Variants in WDFY3 observed in about 807,000 individuals in gnomAD.
The protein encoded by WDFY3 is WD repeat and FYVE domain-containing protein 3.
Under a neutral mutation model 409.6 loss-of-function variants are expected in WDFY3, and 66 were observed. That is an observed-to-expected ratio of 0.16 (90% CI 0.13 to 0.20). WDFY3 has a LOEUF of 0.20. WDFY3 is among the 10% of genes least tolerant of loss of function. The probability of loss-of-function intolerance (pLI) is 1.00; values close to 1 mark genes in which losing one functional copy is unlikely to be tolerated. For synonymous variants in WDFY3, 1,521 were observed against 1,537.1 expected (o/e 0.99, Z 0.25); for missense variants, 3,031 against 4,298.1 (o/e 0.71, Z 8.24).
intron 32 of WDFY3, among the ~76,000 whole-genome samples, chr4:84,760,841 C>A (rs1742441355): frequency 6.9e-6 from 1 of 144,850 alleles, no homozygotes; most frequent in African/African-American, 2.6e-5. Flanking sequence ...TTCTTGCCTT[C>A]TGCTAGCTTT....
chr4:84,754,204 T>C (rs1741018150), intron 34 of WDFY3, among the ~76,000 whole-genome samples: 1 of 152,120 alleles, frequency 6.6e-6, no homozygotes, highest in Non-Finnish European at 1.5e-5. Context: ...TGTATTACCA[T>C]TAATGTTGCC....
chr4:84,728,598 C>A (rs1170655334), intron 44 of WDFY3, among the ~76,000 whole-genome samples: 1 of 152,018 alleles, frequency 6.6e-6, no homozygotes, highest in African/African-American at 2.4e-5. Context: ...ACAAAACAGA[C>A]CAATTACTAA....
intron 12 of WDFY3, among the ~76,000 whole-genome samples, chr4:84,819,206 G>C (rs1470256472): frequency 1.3e-5 from 2 of 152,014 alleles, no homozygotes; most frequent in Admixed American, 1.3e-4. Flanking sequence ...CAGGGAGCAA[G>C]AATGATCTTA....
intron 21 of WDFY3, 113 bp from the exon 22 acceptor site, chr4:84,790,020 G>T: frequency 8.8e-7 from 1 of 1,140,332 alleles, no homozygotes; most frequent in Middle Eastern, 2.1e-4. Context: ...TAATGATGCA[G>T]ACTGATTTGA....
chr4:84,825,838 G>A lies in WDFY3; in HGVS notation c.1123+977C>T, dbSNP rs139211835. On this transcript the variant is annotated intron_variant, in intron 10 of 67. Transcript: ENST00000295888. ...ATATCATGATCCTATTGAATACTTA[G>A]TAAGTGACAGTCATGTGAATAAAAA... 7.1e-3 allele frequency among the ~76,000 whole-genome samples: 1,086 copies of A among 152,110 alleles called. 30 individuals are homozygous for A. The highest frequency in any genetic ancestry group is 0.011 in the Admixed American group (171 of 15,258).
At chr4:84,901,832 A>G (rs1383505368) in intron 2 of WDFY3, among the ~76,000 whole-genome samples, 1 of 152,222 alleles carries the variant, frequency 6.6e-6, no homozygotes, top group East Asian at 1.9e-4. Context: ...CATTAAATCA[A>G]TAACCCATCT....
rs1758681788 is a variant in WDFY3 at position 84,850,164 on chromosome 4, G to A, written c.181-139C>T. On this transcript the variant is annotated intron_variant, in intron 4 of 67. Coordinates refer to ENST00000295888, the MANE Select transcript of WDFY3 (RefSeq NM_014991.6). ...CAGTTACTTTGAATCTTAATATGTT[G>A]AAAATACAACGCTTTCAATAAATCA... is the stretch of plus-strand genomic sequence containing the variant. 4.8e-6 allele frequency: 4 copies of A among 838,886 alleles called. No homozygotes were observed. In the Admixed American group the frequency reaches 1.0e-4, roughly 21 times the overall value. The allele number at this position is 838,886 out of a possible 1,614,324, so 52.0% of individuals were successfully genotyped here. A position where few individuals can be genotyped will look rare whatever the true frequency, so the allele number is the denominator to read the frequency against.
intron 6 of WDFY3, among the ~76,000 whole-genome samples, chr4:84,839,819 T>C (rs1185136740): frequency 2.6e-5 from 4 of 151,326 alleles, no homozygotes; most frequent in East Asian, 2.0e-4. Context: ...GGCCGCACCA[T>C]TGCACTCCAC....
chr4:84,721,742 T>C (rs554782581), intron 46 of WDFY3, among the ~76,000 whole-genome samples, 170 bp from the exon 47 acceptor site: 1 of 152,318 alleles, frequency 6.6e-6, no homozygotes, highest in East Asian at 1.9e-4. Flanking sequence ...GTTAATGACC[T>C]TGGAAAATTA....
rs1217789239 is a variant in WDFY3, at chr4:84,751,614, C to T, written c.5842G>A (p.Gly1948Ser). ...NRSQSEYCNV[G>S]TKTYLTNHPA... ...TGATTGGTCAGATATGTCTTGGTGC[C>T]CACATTGCAGTACTCTGATTGGCTC... is the stretch of plus-strand genomic sequence containing the variant. The change falls in exon 36 of 68, where the codon GGC (glycine) becomes AGC (serine). Residue 1948 changes from glycine to serine, a missense_variant. Physicochemically the swap from Gly to Ser is moderately conservative, Grantham distance 56 (BLOSUM62 0). Around this residue, in one of 16 missense-constraint regions of WDFY3, gnomAD observed 314 missense variants for 397.4 expected, o/e 0.79. Transcript: ENST00000295888. The T allele has an allele frequency of 6.2e-7, 1 of 1,614,070 alleles. No homozygotes were observed. Among genetic ancestry groups the T allele is most frequent in the Admixed American group, 1.7e-5 (1 of 60,004 alleles).
intron 1 of WDFY3, among the ~76,000 whole-genome samples, chr4:84,955,159 T>C (rs529767930): frequency 4.7e-5 from 7 of 150,478 alleles, no homozygotes; most frequent in Non-Finnish European, 7.4e-5. Flanking sequence ...GCTGAGATTG[T>C]GCCACTGCAC....
intron 46 of WDFY3, among the ~76,000 whole-genome samples, chr4:84,723,385 C>G (rs998440762): frequency 2.6e-5 from 4 of 152,164 alleles, no homozygotes. Flanking sequence ...ATCTGAAACT[C>G]ATTTTTAATT....
chr4:84,755,527 T>C (rs538380166), intron 33 of WDFY3, 127 bp from the exon 34 acceptor site: 10 of 1,079,364 alleles, frequency 9.3e-6, no homozygotes, highest in South Asian at 5.4e-5. Flanking sequence ...ACCAATGATA[T>C]AGACATAAAG....
intron 1 of WDFY3, among the ~76,000 whole-genome samples, chr4:84,946,605 C>A (rs1772860791): frequency 6.6e-6 from 1 of 152,046 alleles, no homozygotes. Flanking sequence ...GGGAAAGAGA[C>A]AGGAAAAGCA....
At position 84,831,647 on chromosome 4, in the gene WDFY3, A is replaced by G. The variant is rs746847279; in HGVS notation, c.577-42T>C. The G allele has an allele frequency of 2.0e-6, 3 of 1,526,998 alleles. No homozygotes were observed. The South Asian group carries it at 3.7e-5, about 19-fold the overall frequency. The allele number at this position is 1,526,998 out of a possible 1,614,324, so 94.6% of individuals were successfully genotyped here. A position where few individuals can be genotyped will look rare whatever the true frequency, so the allele number is the denominator to read the frequency against. On this transcript the variant is annotated intron_variant, in intron 7 of 67. Transcript: ENST00000295888. ...AACAAAACAAGAGTGTATAAGCAAA[A>G]ATCAAATAATCTGATTTAAAAATGG...
intron 40 of WDFY3, among the ~76,000 whole-genome samples, chr4:84,737,997 G>A (rs550373486): frequency 7.0e-4 from 107 of 152,300 alleles, no homozygotes; most frequent in Non-Finnish European, 1.2e-3. Context: ...ACCTTGCTAT[G>A]AGAACCAACG....
intron 2 of WDFY3, among the ~76,000 whole-genome samples, chr4:84,906,016 G>A (rs1411271858): frequency 6.6e-6 from 1 of 152,090 alleles, no homozygotes; most frequent in Non-Finnish European, 1.5e-5. Context: ...AACATCATTG[G>A]AAAATATCTA....
intron 15 of WDFY3, 42 bp downstream of exon 15, chr4:84,808,291 AC>A: frequency 6.8e-7 from 1 of 1,480,856 alleles, no homozygotes; most frequent in Admixed American, 1.9e-5. Flanking sequence ...AAAAAAAGGA[AC>A]CCCACACAAA....
At chr4:84,718,369 T>A in intron 48 of WDFY3, 53 bp downstream of exon 48, 1 of 1,526,772 alleles carries the variant, frequency 6.5e-7, no homozygotes, top group South Asian at 1.3e-5. Context: ...GCAAATACAT[T>A]TTCTGTCTTC....
Sources: gnomAD v4.1 joint callset for allele counts (sites outside exome capture counted in the v4.1 genomes callset) on GRCh38, gnomAD v4.1.1 for gene constraint, gnomAD v4.1.1 regional missense constraint, MANE v1.5 for transcripts, NCBI Gene and HGNC (gene_info 2026-07-23, HGNC 2026-07-21) for gene names.